SGCD: variants seen among roughly 807,000 people sequenced by gnomAD.
SGCD encodes the protein delta-sarcoglycan.
Under a neutral mutation model 36.6 loss-of-function variants are expected in SGCD, and 18 were observed. The ratio of observed to expected loss-of-function variants is 0.49; its 90% CI spans 0.34 to 0.73. The LOEUF is 0.73. Ranked by LOEUF, SGCD falls within the 30% of genes least tolerant of loss-of-function variation. The pLI, the probability that SGCD is intolerant of heterozygous loss-of-function variation, is 0.01. For missense variants in SGCD, 387 were observed against 346.7 expected (o/e 1.12, Z -0.92); for synonymous variants, 133 against 130.6 (o/e 1.02, Z -0.12).
chr5:156,494,315 CTT>C lies in SGCD; in HGVS notation c.193-14279_193-14278del, dbSNP rs112840342. 2.7e-5 allele frequency among the ~76,000 whole-genome samples: 4 copies of C among 146,782 alleles called. No individual in the cohort carries two copies. In the Admixed American group the frequency reaches 2.8e-4, roughly 10 times the overall value. On this transcript the variant is annotated intron_variant, in intron 3 of 8. Transcript: ENST00000337851. ...TGATGGGACCTGGACTCAAAAAACT[CTT>C]TTTTTTAATCCCCTCCTATTTTTTT...
At chr5:156,487,857 T>A (rs1284304897) in intron 3 of SGCD, among the ~76,000 whole-genome samples, 2 of 90,522 alleles carry the variant, frequency 2.2e-5, no homozygotes, top group Admixed American at 1.1e-4. Context: ...ATCTATGAAA[T>A]GCCCAAAAAA....
chr5:155,797,689 T>A, the SGCD span, among the ~76,000 whole-genome samples: 1 of 152,196 alleles, frequency 6.6e-6, no homozygotes, highest in Non-Finnish European at 1.5e-5. Context: ...AGACAAAAAA[T>A]CCCCAAGCTC....
At chr5:156,373,243 A>G (rs9313900) in intron 3 of SGCD, among the ~76,000 whole-genome samples, 16,667 of 152,142 alleles carry the variant, frequency 0.11, 1,032 homozygotes, top group South Asian at 0.2. Flanking sequence ...ATCCAATTAC[A>G]TTTTCGACTT....
chr5:155,890,743 T>C (rs1162653919), intron 1 of SGCD, among the ~76,000 whole-genome samples: 21 of 152,022 alleles, frequency 1.4e-4, no homozygotes, highest in Non-Finnish European at 3.1e-4. Flanking sequence ...GGAGTAGCTA[T>C]GGAGTAACAA....
At chr5:156,620,181 G>A (rs1369883253) in intron 6 of SGCD, among the ~76,000 whole-genome samples, 2 of 152,204 alleles carry the variant, frequency 1.3e-5, no homozygotes, top group African/African-American at 4.8e-5. Context: ...GTTTCTCATC[G>A]GTAAAACAGG....
chr5:156,317,153 A>T (rs10463088), intron 3 of SGCD, among the ~76,000 whole-genome samples: 1 of 151,952 alleles, frequency 6.6e-6, no homozygotes, highest in Non-Finnish European at 1.5e-5. Flanking sequence ...GAATCTATTT[A>T]AATATCAACT....
At chr5:156,427,225 A>T (rs1038387984) in intron 3 of SGCD, among the ~76,000 whole-genome samples, 2 of 152,082 alleles carry the variant, frequency 1.3e-5, no homozygotes, top group Admixed American at 1.3e-4. Flanking sequence ...TCTTTAAGCA[A>T]TGTTTTGTAA....
At chr5:156,337,432 T>C (rs539697720) in intron 2 of SGCD, among the ~76,000 whole-genome samples, 1 of 152,302 alleles carries the variant, frequency 6.6e-6, no homozygotes, top group East Asian at 1.9e-4. Flanking sequence ...CGTTAGAACC[T>C]AGGAGGTGCC....
At chr5:156,452,405 T>G (rs1754059701) in intron 3 of SGCD, among the ~76,000 whole-genome samples, 1 of 152,182 alleles carries the variant, frequency 6.6e-6, no homozygotes, top group South Asian at 2.1e-4. Context: ...TCCTTTTGCT[T>G]TCTTCCCTTT....
intron 6 of SGCD, among the ~76,000 whole-genome samples, chr5:156,633,953 T>C (rs1762731443): frequency 6.6e-6 from 1 of 152,142 alleles, no homozygotes; most frequent in African/African-American, 2.4e-5. Context: ...AAGGGTACTG[T>C]CTTCTAGGGG....
chr5:156,287,649 G>T (rs1766644797), intron 3 of SGCD, among the ~76,000 whole-genome samples: 1 of 151,862 alleles, frequency 6.6e-6, no homozygotes. Context: ...GTGTGTGTGT[G>T]TGTGTGTGTG....
At chr5:156,633,057 T>G (rs1422220) in intron 6 of SGCD, among the ~76,000 whole-genome samples, 23,917 of 152,154 alleles carry the variant, frequency 0.16, 2,283 homozygotes, top group East Asian at 0.3. Context: ...AGGGGCCATG[T>G]GACTTCTTTT....
intron 3 of SGCD, among the ~76,000 whole-genome samples, chr5:156,418,478 C>CAG (rs1480555242): frequency 1.3e-5 from 2 of 152,178 alleles, no homozygotes; most frequent in African/African-American, 4.8e-5. Context: ...GCACAGCCTC[C>CAG]ACCACCATCA....
At chr5:156,752,185 C>G (rs548465419) in intron 7 of SGCD, among the ~76,000 whole-genome samples, 7 of 152,232 alleles carry the variant, frequency 4.6e-5, no homozygotes, top group African/African-American at 1.7e-4. Flanking sequence ...TGGAATTATT[C>G]TGCGTGTGAA....
chr5:156,002,447 A>ATGGG (rs1250631711), intron 1 of SGCD, among the ~76,000 whole-genome samples: 1 of 152,212 alleles, frequency 6.6e-6, no homozygotes, highest in African/African-American at 2.4e-5. Flanking sequence ...AGTAATATAG[A>ATGGG]TGGGTATTCT....
At chr5:156,218,582 A>G (rs1043987730) in intron 3 of SGCD, among the ~76,000 whole-genome samples, 1 of 152,144 alleles carries the variant, frequency 6.6e-6, no homozygotes, top group Non-Finnish European at 1.5e-5. Flanking sequence ...TTTTGCCTGA[A>G]CCCTTTTTTG....
At position 156,515,625 on chromosome 5, in the gene SGCD, C is replaced by T. The variant is rs150831416; in HGVS notation, c.294+6923C>T. On this transcript the variant is annotated intron_variant, in intron 4 of 8. Coordinates refer to ENST00000337851, the MANE Select transcript of SGCD (RefSeq NM_000337.6). ...ACCCTGCCAAGGAAACCAAGATTTA[C>T]CCACATATCTGTGCAACCCATGGAT... Among the ~76,000 whole-genome samples the T allele has an allele frequency of 5.9e-5, 9 of 152,336 alleles. No individual in the cohort carries two copies. In the East Asian group the frequency reaches 1.7e-3, roughly 29 times the overall value.
chr5:155,974,500 T>A (rs140540781), intron 1 of SGCD, among the ~76,000 whole-genome samples: 1 of 151,048 alleles, frequency 6.6e-6, no homozygotes, highest in Non-Finnish European at 1.5e-5. Flanking sequence ...ATCCACAGGG[T>A]ATCCAATGAT....
intron 1 of SGCD, among the ~76,000 whole-genome samples, chr5:156,040,313 G>A (rs183019927): frequency 1.6e-4 from 25 of 152,252 alleles, no homozygotes; most frequent in African/African-American, 4.8e-4. Context: ...TCCGACAAGC[G>A]GGAGCCCCTT....
Sources: gnomAD v4.1 joint callset for allele counts (sites outside exome capture counted in the v4.1 genomes callset) on GRCh38, gnomAD v4.1.1 for gene constraint, MANE v1.5 for transcripts, NCBI Gene and HGNC (gene_info 2026-07-23, HGNC 2026-07-21) for gene names.